CEP128: variants seen among roughly 807,000 people sequenced by gnomAD.
CEP128 encodes centrosomal protein 128kDa.
Under a neutral mutation model 156.7 loss-of-function variants are expected in CEP128, and 132 were observed. The ratio of observed to expected loss-of-function variants is 0.84; its 90% CI spans 0.73 to 0.97. CEP128 has a LOEUF of 0.97. Among genes scored for constraint, CEP128 ranks in the 50% least tolerant of loss-of-function variants. The probability of loss-of-function intolerance (pLI) is 0.00; values close to 1 mark genes in which losing one functional copy is unlikely to be tolerated. For missense variants in CEP128, 1,252 were observed against 1,281.9 expected, an observed-to-expected ratio of 0.98 and a Z score of 0.36; for synonymous variants, 469 against 448.9, an observed-to-expected ratio of 1.04 and a Z score of -0.57.
At chr14:80,865,295 T>C (rs228119) in intron 8 of CEP128, among the ~76,000 whole-genome samples, 62,123 of 152,038 alleles carry the variant, frequency 0.41, 13,062 homozygotes, top group South Asian at 0.51. Flanking sequence ...TTCCATTGGG[T>C]GTATATACGT....
At chr14:80,846,080 C>A (rs1373441497) in intron 9 of CEP128, among the ~76,000 whole-genome samples, 1 of 152,080 alleles carries the variant, frequency 6.6e-6, no homozygotes, top group Non-Finnish European at 1.5e-5. Context: ...CAAAGTGACT[C>A]ACACAGATTC....
downstream of CEP128, among the ~76,000 whole-genome samples, chr14:80,487,231 C>T (rs1887186608): frequency 1.3e-5 from 2 of 151,986 alleles, no homozygotes; most frequent in South Asian, 4.2e-4. Context: ...CAATCCTAGT[C>T]TCTGATAAAA....
chr14:80,566,759 G>A (rs1271616813), intron 20 of CEP128, among the ~76,000 whole-genome samples: 1 of 151,964 alleles, frequency 6.6e-6, no homozygotes, highest in Non-Finnish European at 1.5e-5. Flanking sequence ...TTAGATACCT[G>A]TAGTCAATTT....
chr14:80,929,408 C>T (rs1447416706), intron 2 of CEP128, among the ~76,000 whole-genome samples: 1 of 152,154 alleles, frequency 6.6e-6, no homozygotes, highest in Non-Finnish European at 1.5e-5. Context: ...GTCAAAAAGA[C>T]ATCTGCACAT....
intron 19 of CEP128, among the ~76,000 whole-genome samples, chr14:80,602,148 T>C (rs1892606200): frequency 6.6e-6 from 1 of 152,088 alleles, no homozygotes; most frequent in African/African-American, 2.4e-5. Context: ...TATATAACAA[T>C]TATAAGTATA....
At chr14:80,502,592 C>T (rs1022226908) in intron 24 of CEP128, among the ~76,000 whole-genome samples, 1 of 152,034 alleles carries the variant, frequency 6.6e-6, no homozygotes, top group African/African-American at 2.4e-5. Flanking sequence ...CTCTTTATGG[C>T]AATCATATTT....
chr14:80,678,219 A>C (rs1896169766), intron 19 of CEP128, among the ~76,000 whole-genome samples: 1 of 151,864 alleles, frequency 6.6e-6, no homozygotes, highest in Admixed American at 6.6e-5. Flanking sequence ...CAAACTTTCT[A>C]TTACTTTTTT....
At chr14:80,845,889 A>G (rs1050700487) in intron 9 of CEP128, among the ~76,000 whole-genome samples, 3 of 152,200 alleles carry the variant, frequency 2.0e-5, no homozygotes, top group Non-Finnish European at 4.4e-5. Context: ...AATTCACTGA[A>G]AACATAGATA....
upstream of CEP128, among the ~76,000 whole-genome samples, chr14:80,944,426 C>G (rs934890484): frequency 3.3e-5 from 5 of 152,166 alleles, no homozygotes; most frequent in South Asian, 4.1e-4. Flanking sequence ...GCCCACTTCT[C>G]TCTCCTGCCA....
intron 21 of CEP128, among the ~76,000 whole-genome samples, chr14:80,543,367 A>G (rs1195718310): frequency 1.3e-5 from 2 of 152,214 alleles, no homozygotes; most frequent in Non-Finnish European, 2.9e-5. Flanking sequence ...GCCAAACCAT[A>G]CTTAGTTAAA....
chr14:80,845,687 T>G (rs758044137), intron 9 of CEP128, among the ~76,000 whole-genome samples: 14 of 152,176 alleles, frequency 9.2e-5, no homozygotes, highest in Non-Finnish European at 1.8e-4. Context: ...TTTTATGCCT[T>G]TGGGTTTAGA....
At chr14:80,640,597 T>C (rs572003002) in intron 19 of CEP128, among the ~76,000 whole-genome samples, 1 of 152,296 alleles carries the variant, frequency 6.6e-6, no homozygotes, top group East Asian at 1.9e-4. Flanking sequence ...CTCTATATGC[T>C]TTTCTGGTTC....
Position 80,829,283 on chromosome 14 carries a change from A to G in CEP128, c.1209+1860T>C, listed in dbSNP as rs182694562. On this transcript the variant is annotated intron_variant, in intron 13 of 24. Transcript: ENST00000555265. The stretch of plus-strand genomic sequence containing the variant: ...TGCAACTAGTTAATGCTAATGTCTT[A>G]CAGGGATAAACATTGTCTTTGTGAT... Among the ~76,000 whole-genome samples the G allele has an allele frequency of 2.6e-5, 4 of 152,370 alleles. No homozygotes were observed. The East Asian group carries it at 7.7e-4, about 29-fold the overall frequency.
At chr14:80,733,284 T>C (rs1461610620) in intron 19 of CEP128, among the ~76,000 whole-genome samples, 1 of 152,058 alleles carries the variant, frequency 6.6e-6, no homozygotes, top group Non-Finnish European at 1.5e-5. Flanking sequence ...CTCTTGGGTC[T>C]CTGGCTTGCT....
chr14:80,584,957 C>G (rs559259662), intron 19 of CEP128, among the ~76,000 whole-genome samples: 1 of 152,350 alleles, frequency 6.6e-6, no homozygotes, highest in East Asian at 1.9e-4. Flanking sequence ...CTCTGGTTTG[C>G]TGTTCCATAC....
chr14:80,746,847 G>A (rs189445919), intron 18 of CEP128, among the ~76,000 whole-genome samples: 1 of 152,254 alleles, frequency 6.6e-6, no homozygotes, highest in Admixed American at 6.5e-5. Flanking sequence ...TGTCTAATAA[G>A]GGAATTACAT....
At chr14:80,636,824 C>A (rs1316163551) in intron 19 of CEP128, among the ~76,000 whole-genome samples, 1 of 152,150 alleles carries the variant, frequency 6.6e-6, no homozygotes, top group East Asian at 1.9e-4. Context: ...CGGTGGCTCA[C>A]ACCTGTAATC....
At chr14:80,576,455 G>C (rs1035609644) in intron 20 of CEP128, among the ~76,000 whole-genome samples, 1 of 152,124 alleles carries the variant, frequency 6.6e-6, no homozygotes, top group Non-Finnish European at 1.5e-5. Context: ...CTCCAATGAA[G>C]AATTTTGGTA....
At chr14:80,480,858 C>T (rs529848489) in intron 14 of CEP128, among the ~76,000 whole-genome samples, 18 of 152,248 alleles carry the variant, frequency 1.2e-4, no homozygotes, top group East Asian at 3.9e-4. Context: ...ACATAACAAG[C>T]GTCACCTTTA....
Sources: gnomAD v4.1 joint callset for allele counts (sites outside exome capture counted in the v4.1 genomes callset) on GRCh38, gnomAD v4.1.1 for gene constraint, MANE v1.5 for transcripts, NCBI Gene and HGNC (gene_info 2026-07-23, HGNC 2026-07-21) for gene names.